Variants in SEC24D observed in about 807,000 individuals in gnomAD.
SEC24D encodes the protein protein transport protein Sec24D.
In SEC24D, 69 loss-of-function variants were observed where a neutral mutation model predicts 116.9. The observed-to-expected ratio is 0.59, with a 90% CI of 0.49 to 0.72. The LOEUF (loss-of-function observed/expected upper bound fraction) is 0.72. SEC24D is among the 30% of genes least tolerant of loss of function. The pLI, the probability that SEC24D is intolerant of heterozygous loss-of-function variation, is 0.00. For missense variants in SEC24D, 1,131 were observed against 1,264.1 expected, an observed-to-expected ratio of 0.89 and a Z score of 1.60; for synonymous variants, 405 against 442.8, an observed-to-expected ratio of 0.91 and a Z score of 1.07.
intron 6 of SEC24D, among the ~76,000 whole-genome samples, chr4:118,809,630 ACTC>A (rs1463013250): frequency 6.6e-6 from 1 of 151,860 alleles, no homozygotes; most frequent in Non-Finnish European, 1.5e-5. Context: ...CACAGCATCT[ACTC>A]CTTCTTGCTT....
chr4:118,815,585 C>T lies in SEC24D; in HGVS notation c.539G>A (p.Gly180Asp), dbSNP rs752693155. 3.1e-5 allele frequency: 50 copies of T among 1,614,016 alleles called. No homozygotes were observed. The East Asian group carries it at 1.1e-3, about 35-fold the overall frequency. ...VLPPPPTTLN[G>D]PGASPLPLPM... ...TAGAGGCAAAGGTGAGGCACCAGGA[C>T]CATTGAGTGTGGTGGGTGGTGGTGG... is the stretch of plus-strand genomic sequence containing the variant. Residue 180 changes from glycine to aspartate, a missense_variant, in exon 5 of 23, where the codon GGT becomes GAT. Transcript: ENST00000280551.
At chr4:118,817,575 A>T (rs1356049051) in intron 3 of SEC24D, among the ~76,000 whole-genome samples, 163 bp from the exon 4 acceptor site, 1 of 152,222 alleles carries the variant, frequency 6.6e-6, no homozygotes, top group South Asian at 2.1e-4. Flanking sequence ...CATGAACTCA[A>T]TATGATCATG....
intron 22 of SEC24D, 27 bp from the exon 23 acceptor site, chr4:118,723,682 C>T (rs763985468): frequency 6.3e-7 from 1 of 1,592,146 alleles, no homozygotes; most frequent in Admixed American, 1.8e-5. Context: ...AAAACAGTAA[C>T]AGCCCCTGGT....
intron 6 of SEC24D, among the ~76,000 whole-genome samples, chr4:118,810,657 C>T (rs763515715): frequency 1.2e-4 from 18 of 152,178 alleles, no homozygotes; most frequent in Non-Finnish European, 2.5e-4. Context: ...GATTCTGATT[C>T]TGTAGGTTTG....
intron 13 of SEC24D, among the ~76,000 whole-genome samples, chr4:118,751,699 T>A (rs572839208): frequency 1.3e-5 from 2 of 152,170 alleles, no homozygotes; most frequent in African/African-American, 4.8e-5. Flanking sequence ...CTGATATTGT[T>A]GGACTAATTT....
Position 118,833,719 on chromosome 4 carries a change from A to G in SEC24D, c.-23T>C. On this transcript the variant is annotated 5_prime_UTR_variant, in exon 2 of 23. Transcript: ENST00000280551. ...CATTATGAAAATATCATTCCATAGG[A>G]TAATTCTACAAAAGAAGTCTGCAAC... is the stretch of plus-strand genomic sequence containing the variant. 1 of 1,524,508 alleles carries G rather than the reference A, an allele frequency of 6.6e-7. No individual in the cohort carries two copies. The highest frequency in any genetic ancestry group is 9.0e-7 in the Non-Finnish European group (1 of 1,105,678). 94.4% of individuals were successfully genotyped at this position (1,524,508 alleles called of 1,614,324 possible). A position where few individuals can be genotyped will look rare whatever the true frequency, so the allele number is the denominator to read the frequency against.
intron 21 of SEC24D, chr4:118,729,875 CTCCCA>C (rs1553921618): frequency 2.0e-5 from 3 of 152,208 alleles, no homozygotes; most frequent in Non-Finnish European, 4.4e-5. Flanking sequence ...TACATTCACA[CTCCCA>C]TCCCCTATAT....
chr4:118,746,473 C>T (rs1240807079), intron 13 of SEC24D, among the ~76,000 whole-genome samples: 1 of 152,084 alleles, frequency 6.6e-6, no homozygotes, highest in African/African-American at 2.4e-5. Flanking sequence ...ATCCAATTTG[C>T]CCCAGGTCAC....
rs767462952 is a variant in SEC24D at position 118,739,176 on chromosome 4, C to T, written c.2350G>A (p.Ala784Thr). Residue 784 changes from alanine to threonine, a missense_variant, in exon 18 of 23, where the codon GCT (alanine) becomes ACT (threonine). Coordinates refer to ENST00000280551, the MANE Select transcript of SEC24D (RefSeq NM_014822.4). ...ADLYKSCETDALINFFAKSAF... is the reference protein window; with the variant it reads ...ADLYKSCETDTLINFFAKSAF... ...GACTTGGCAAAGAAGTTGATAAGAG[C>T]ATCTGTCTCACAGCTCTTATAAAGA... 36 of 1,613,468 alleles carry T rather than the reference C, an allele frequency of 2.2e-5. No individual in the cohort carries two copies. In the South Asian group the frequency reaches 3.8e-4, roughly 17 times the overall value.
intron 22 of SEC24D, among the ~76,000 whole-genome samples, chr4:118,727,097 T>C (rs1275014204): frequency 6.6e-6 from 1 of 152,214 alleles, no homozygotes; most frequent in Non-Finnish European, 1.5e-5. Flanking sequence ...AGTGAGCTCC[T>C]TTGAGCCTCA....
chr4:118,827,234 C>G (rs1294383208), intron 2 of SEC24D, among the ~76,000 whole-genome samples: 1 of 152,240 alleles, frequency 6.6e-6, no homozygotes, highest in Admixed American at 6.5e-5. Context: ...CTGCAAAGTC[C>G]TATGTGTCAC....
chr4:118,753,815 A>G (rs1197063109), intron 11 of SEC24D, among the ~76,000 whole-genome samples: 50 of 152,178 alleles, frequency 3.3e-4, no homozygotes, highest in Admixed American at 3.1e-3. Flanking sequence ...ATGGTTAAAG[A>G]AAAGACACAA....
At chr4:118,749,184 G>A (rs1249385611) in intron 13 of SEC24D, among the ~76,000 whole-genome samples, 1 of 152,108 alleles carries the variant, frequency 6.6e-6, no homozygotes, top group East Asian at 1.9e-4. Context: ...GAAAGACTAT[G>A]TGGGGAAAAA....
At chr4:118,791,982 C>T (rs868615225) in intron 8 of SEC24D, among the ~76,000 whole-genome samples, 1 of 152,002 alleles carries the variant, frequency 6.6e-6, no homozygotes, top group Non-Finnish European at 1.5e-5. Flanking sequence ...TGCCTGGCCG[C>T]CCATTGTCTG....
rs187975067 is a variant in SEC24D at position 118,773,324 on chromosome 4, G to A, written c.1042-5013C>T. On this transcript the variant is annotated intron_variant, in intron 8 of 22. Coordinates refer to ENST00000280551, the MANE Select transcript of SEC24D (RefSeq NM_014822.4). ...TTTGCCTACAATGGGACCTAAATAA[G>A]ATGAGAAGATTTAAGATAAGACCTG... Among the ~76,000 whole-genome samples the A allele has an allele frequency of 3.6e-4, 55 of 152,252 alleles. No homozygotes were observed. In the Middle Eastern group the frequency reaches 0.017, roughly 47 times the overall value.
chr4:118,774,412 T>A (rs1210763642), intron 8 of SEC24D, among the ~76,000 whole-genome samples: 2 of 152,208 alleles, frequency 1.3e-5, no homozygotes, highest in African/African-American at 4.8e-5. Context: ...CACTTGTAGT[T>A]TAAAATGTTC....
Position 118,764,583 on chromosome 4 carries a change from C to T in SEC24D, c.1296+219G>A, listed in dbSNP as rs574314335. On this transcript the variant is annotated intron_variant, in intron 10 of 22. Transcript: ENST00000280551. ...TTATTGTTTTCTATTTCTGACACCA[C>T]ATTTCAGTTTTTAAAAATAATTCCT... The T allele has an allele frequency of 1.6e-5, 7 of 436,142 alleles. No individual in the cohort carries two copies. The East Asian group carries it at 2.7e-4, about 17-fold the overall frequency. 27.0% of individuals were successfully genotyped at this position (436,142 alleles called of 1,614,324 possible). A position where few individuals can be genotyped will look rare whatever the true frequency, so the allele number is the denominator to read the frequency against.
intron 8 of SEC24D, among the ~76,000 whole-genome samples, chr4:118,779,091 T>C (rs986563490): frequency 6.6e-6 from 1 of 152,200 alleles, no homozygotes; most frequent in Admixed American, 6.5e-5. Flanking sequence ...AAATACGCTT[T>C]ATTTCTTTCC....
chr4:118,833,313 C>T (rs1484500528), intron 2 of SEC24D: 6 of 302,266 alleles, frequency 2.0e-5, no homozygotes, highest in African/African-American at 6.5e-5. Flanking sequence ...CACTAATTAA[C>T]AGCAAGAACA....
Sources: allele counts gnomAD v4.1 joint callset (sites outside exome capture counted in the v4.1 genomes callset), GRCh38; gene constraint gnomAD v4.1.1; transcripts MANE v1.5; gene names NCBI Gene and HGNC (gene_info 2026-07-23, HGNC 2026-07-21).